Variants in KIF17 observed in about 807,000 individuals in gnomAD.
The protein encoded by KIF17 is kinesin family member 17.
Under a neutral mutation model 96.8 loss-of-function variants are expected in KIF17, and 80 were observed. That is an observed-to-expected ratio of 0.83 (90% CI 0.69 to 1.00). The LOEUF (loss-of-function observed/expected upper bound fraction) is 1.00, where lower values mean the gene tolerates loss of function less well. Among genes scored for constraint, KIF17 ranks in the 50% least tolerant of loss-of-function variants. The pLI is 0.00. For missense variants in KIF17, 1,280 were observed against 1,372.9 expected (o/e 0.93, Z 1.07); for synonymous variants, 567 against 587.5 (o/e 0.97, Z 0.51).
intron 6 of KIF17, among the ~76,000 whole-genome samples, chr1:20,691,240 C>T (rs1420204924): frequency 6.7e-6 from 1 of 150,276 alleles, no homozygotes; most frequent in African/African-American, 2.4e-5. Context: ...TGCAGTGAGC[C>T]GAGATCACAC....
chr1:20,666,272 G>A lies in KIF17; in HGVS notation c.2850C>T (p.Asn950=). Residue 950 remains asparagine, a synonymous_variant, in exon 14 of 15, where the codon AAC becomes AAT. Transcript: ENST00000400463. ...SRSNSENIAS[N]YFRSKRASQI... Reference sequence around the variant, plus strand: ...GGCTGGCCCGCTTAGATCGGAAGTAGTTGCTGGCAATGTTTTCACTGTTGC... The same window carrying A: ...GGCTGGCCCGCTTAGATCGGAAGTAATTGCTGGCAATGTTTTCACTGTTGC... The A allele has an allele frequency of 6.2e-7, 1 of 1,614,240 alleles. No individual in the cohort carries two copies. The highest frequency in any genetic ancestry group is 8.5e-7 in the Non-Finnish European group (1 of 1,180,036).
chr1:20,675,461 A>AG (rs1273845835), intron 11 of KIF17, among the ~76,000 whole-genome samples: 1 of 151,980 alleles, frequency 6.6e-6, no homozygotes, highest in African/African-American at 2.4e-5. Flanking sequence ...AAAAAAAAAA[A>AG]AATTAATTGA....
intron 13 of KIF17, among the ~76,000 whole-genome samples, chr1:20,669,864 CAAAAAAAAAAAAAAAAAAAAAA>C (rs61673996): frequency 0.015 from 272 of 18,426 alleles, 1 homozygote; most frequent in African/African-American, 0.026. Flanking sequence ...GACTCCATCT[CAAAAAAAAAAAAAAAAAAAAAA>C]AAAAAAAAAA....
intron 11 of KIF17, among the ~76,000 whole-genome samples, chr1:20,679,323 TA>T (rs979150985): frequency 6.6e-6 from 1 of 151,302 alleles, no homozygotes. Flanking sequence ...ATAATAATAA[TA>T]AAAAAATTAG....
chr1:20,694,313 G>A (rs974749857), intron 6 of KIF17, among the ~76,000 whole-genome samples: 2 of 152,186 alleles, frequency 1.3e-5, no homozygotes. Context: ...TGGCCAGGCT[G>A]GAAGGACCAT....
chr1:20,669,010 G>T (rs1365501728), intron 13 of KIF17, among the ~76,000 whole-genome samples: 1 of 152,084 alleles, frequency 6.6e-6, no homozygotes, highest in Non-Finnish European at 1.5e-5. Flanking sequence ...ACACCAAGAG[G>T]GGGTCCAGCT....
At chr1:20,678,576 G>A (rs1335581657) in intron 11 of KIF17, among the ~76,000 whole-genome samples, 2 of 152,124 alleles carry the variant, frequency 1.3e-5, no homozygotes. Flanking sequence ...CCTGAAGACA[G>A]AGAACGCTGG....
intron 11 of KIF17, among the ~76,000 whole-genome samples, chr1:20,677,298 T>C (rs986611283): frequency 5.3e-5 from 8 of 152,200 alleles, no homozygotes; most frequent in African/African-American, 1.7e-4. Flanking sequence ...TGCCAAACAA[T>C]ACAATCCTTA....
intron 13 of KIF17, among the ~76,000 whole-genome samples, chr1:20,666,568 G>A (rs1354148850): frequency 1.3e-5 from 2 of 152,138 alleles, no homozygotes; most frequent in South Asian, 2.1e-4. Context: ...GCCTGCACCC[G>A]GCCTCCCCTT....
chr1:20,703,152 GA>G (rs1391661331), intron 5 of KIF17, among the ~76,000 whole-genome samples: 2 of 140,020 alleles, frequency 1.4e-5, no homozygotes, highest in Admixed American at 7.3e-5. Context: ...TGGGTAGATA[GA>G]AGGAAGGATG....
rs2054193626 is a variant in KIF17 at position 20,699,326 on chromosome 1, G to A, written c.1124-838C>T. Among the ~76,000 whole-genome samples the A allele has an allele frequency of 2.0e-5, 3 of 152,262 alleles. No homozygotes were observed. The highest frequency in any genetic ancestry group is 2.9e-5 in the Non-Finnish European group (2 of 68,022). On this transcript the variant is annotated intron_variant, in intron 5 of 14. Transcript: ENST00000400463. This position sits in a 1 kb window ranked among gnomAD's most constrained non-coding sequence, Gnocchi z 4.3. Reference sequence around the variant, plus strand: ...AACCCCAGCACTTTGGGAGGCCTAGGCGGGTGGATCACTTGAGGTCAGGAG... The same window carrying A: ...AACCCCAGCACTTTGGGAGGCCTAGACGGGTGGATCACTTGAGGTCAGGAG...
Position 20,664,420 on chromosome 1 carries a change from G to A in KIF17, c.*164C>T. ...GGGCTCCTGCCCAGGGCGGAGGTGG[G>A]CTCTCTGGGGAACAGGGAAGGGAAT... On this transcript the variant is annotated 3_prime_UTR_variant, in exon 15 of 15. Coordinates refer to ENST00000400463, the MANE Select transcript of KIF17 (RefSeq NM_001122819.3). 2 of 1,527,404 alleles carry A rather than the reference G, an allele frequency of 1.3e-6. No homozygotes were observed. The highest frequency in any genetic ancestry group is 1.8e-6 in the Non-Finnish European group (2 of 1,140,368). 94.6% of individuals were successfully genotyped at this position (1,527,404 alleles called of 1,614,324 possible).
Position 20,704,169 on chromosome 1 carries a change from TG to T in KIF17, c.1123+277del, listed in dbSNP as rs1271427285. Among the ~76,000 whole-genome samples the T allele has an allele frequency of 1.7e-4, 3 of 17,844 alleles. No individual in the cohort carries two copies. Among genetic ancestry groups the T allele is most frequent in the Admixed American group, 5.6e-4 (1 of 1,790 alleles). The allele number at this position is 17,844 out of a possible 152,430, so 11.7% of individuals were successfully genotyped here. On this transcript the variant is annotated intron_variant, in intron 5 of 14. Coordinates refer to ENST00000400463, the MANE Select transcript of KIF17 (RefSeq NM_001122819.3). The surrounding 1 kb of genome is among the most constrained non-coding windows in gnomAD (Gnocchi z 6.8). ...GGTGTGGTGGGGGGTGTGGTGGGGGTGGGGGGGATAATGGATGAGCAGATGA... is the reference window on the plus strand; with the variant it reads ...GGTGTGGTGGGGGGTGTGGTGGGGGTGGGGGGATAATGGATGAGCAGATGA...
chr1:20,703,639 G>A (rs762804060), intron 5 of KIF17, among the ~76,000 whole-genome samples: 1 of 152,026 alleles, frequency 6.6e-6, no homozygotes, highest in East Asian at 1.9e-4. Context: ...TGGATGAATG[G>A]GTAAGTGGGA....
Position 20,717,582 on chromosome 1 carries a change from G to C in KIF17, c.125C>G (p.Pro42Arg). 3 of 1,611,592 alleles carry C rather than the reference G, an allele frequency of 1.9e-6. No homozygotes were observed. The highest frequency in any genetic ancestry group is 2.5e-6 in the Non-Finnish European group (3 of 1,179,612). Residue 42 changes from proline (P) to arginine (R), a missense_variant, in exon 1 of 15, where the codon CCG becomes CGG. Transcript: ENST00000400463. ...CARAQCCIQN[P>R]GAADEPPKQF... ...CTTGGGCGGCTCGTCGGCGGCGCCCGGGTTCTGGATGCAGCACTGGGCGCG... is the reference window on the plus strand; with the variant it reads ...CTTGGGCGGCTCGTCGGCGGCGCCCCGGTTCTGGATGCAGCACTGGGCGCG...
chr1:20,672,309 T>C lies in KIF17; in HGVS notation c.2464-113A>G, dbSNP rs1234810742. ...GCCACGCATCGTCTGTTCATTGGCC[T>C]GATCAGCCATCCATTCTCATCCCCA... On this transcript the variant is annotated intron_variant, in intron 11 of 14. Coordinates refer to ENST00000400463, the MANE Select transcript of KIF17 (RefSeq NM_001122819.3). This position sits in a 1 kb window ranked among gnomAD's most constrained non-coding sequence, Gnocchi z 4.3. 5.2e-6 allele frequency: 7 copies of C among 1,353,742 alleles called. No individual in the cohort carries two copies. Among genetic ancestry groups the C allele is most frequent in the Non-Finnish European group, 7.2e-6 (7 of 977,840 alleles). The allele number at this position is 1,353,742 out of a possible 1,614,324, so 83.9% of individuals were successfully genotyped here.
At chr1:20,673,783 G>A (rs975447265) in intron 11 of KIF17, among the ~76,000 whole-genome samples, 6 of 151,880 alleles carry the variant, frequency 4.0e-5, no homozygotes, top group Admixed American at 2.6e-4. Context: ...CACCCACCTC[G>A]GCCTCCCAAA....
At chr1:20,680,775 G>A (rs1415906031) in intron 11 of KIF17, among the ~76,000 whole-genome samples, 2 of 151,870 alleles carry the variant, frequency 1.3e-5, no homozygotes, top group African/African-American at 2.4e-5. Context: ...AGATATCTAC[G>A]GGAGAATGAA....
At chr1:20,708,626 G>A (rs980233868) in intron 4 of KIF17, among the ~76,000 whole-genome samples, 2 of 152,170 alleles carry the variant, frequency 1.3e-5, no homozygotes, top group Admixed American at 1.3e-4. Flanking sequence ...GGAGACCCGG[G>A]TTCAAATCCC....
Sources: gnomAD v4.1 joint callset for allele counts (sites outside exome capture counted in the v4.1 genomes callset) on GRCh38, gnomAD v4.1.1 for gene constraint, Gnocchi (gnomAD v3.1) non-coding constraint, MANE v1.5 for transcripts, NCBI Gene and HGNC (gene_info 2026-07-23, HGNC 2026-07-21) for gene names.